The following MRTFA variants were observed in gnomAD, a reference collection of about 807,000 sequenced individuals.
MRTFA encodes the protein myocardin related transcription factor A.
Under a neutral mutation model 83.5 loss-of-function variants are expected in MRTFA, and 20 were observed. The observed-to-expected ratio is 0.24, with a 90% CI of 0.17 to 0.35. The LOEUF is 0.35. Among genes scored for constraint, MRTFA ranks in the 10% least tolerant of loss-of-function variants. The pLI is 1.00. For missense variants in MRTFA, 1,200 were observed against 1,224.7 expected, an observed-to-expected ratio of 0.98 and a Z score of 0.30; for synonymous variants, 659 against 541.2, an observed-to-expected ratio of 1.22 and a Z score of -3.02.
intron 4 of MRTFA, among the ~76,000 whole-genome samples, chr22:40,455,767 C>CACA (rs927556937): frequency 3.0e-4 from 45 of 150,342 alleles, no homozygotes; most frequent in Non-Finnish European, 4.7e-4. Flanking sequence ...AGTTGGGGGA[C>CACA]ACAACAACAA....
chr22:40,427,955 T>A (rs2147087459), intron 7 of MRTFA, among the ~76,000 whole-genome samples: 1 of 152,292 alleles, frequency 6.6e-6, no homozygotes, highest in Admixed American at 6.5e-5. Flanking sequence ...TTTCTCTAGC[T>A]ACTGGGAGGG....
chr22:40,452,242 C>A (rs2053506307), intron 4 of MRTFA, among the ~76,000 whole-genome samples: 1 of 152,066 alleles, frequency 6.6e-6, no homozygotes, highest in Admixed American at 6.6e-5. Context: ...CCTCGGCCTC[C>A]CCAAGTGCTG....
chr22:40,459,239 C>G (rs1263895325), intron 4 of MRTFA, among the ~76,000 whole-genome samples: 1 of 87,122 alleles, frequency 1.1e-5, no homozygotes, highest in African/African-American at 4.4e-5. Context: ...AGGGGTCTGG[C>G]AAAAAAAAAA....
intron 1 of MRTFA, among the ~76,000 whole-genome samples, chr22:40,618,119 G>C (rs1161827243): frequency 6.6e-6 from 1 of 151,428 alleles, no homozygotes; most frequent in Non-Finnish European, 1.5e-5. Flanking sequence ...CTGTTGCCCA[G>C]GCTGGAGCAC....
At chr22:40,594,352 C>T (rs1372400195) in intron 2 of MRTFA, among the ~76,000 whole-genome samples, 2 of 152,138 alleles carry the variant, frequency 1.3e-5, no homozygotes, top group African/African-American at 2.4e-5. Context: ...AAAACTTCTG[C>T]CCTCAAGGAC....
chr22:40,600,222 C>G (rs1176038954), intron 1 of MRTFA, among the ~76,000 whole-genome samples: 1 of 152,108 alleles, frequency 6.6e-6, no homozygotes, highest in Non-Finnish European at 1.5e-5. Flanking sequence ...ATTAAATAAA[C>G]TAGGCCCCCT....
At chr22:40,507,222 G>A (rs1406834824) in intron 3 of MRTFA, among the ~76,000 whole-genome samples, 3 of 152,080 alleles carry the variant, frequency 2.0e-5, no homozygotes, top group Non-Finnish European at 4.4e-5. Context: ...TTAGCCAGGC[G>A]TGGTGGCATG....
intron 3 of MRTFA, among the ~76,000 whole-genome samples, chr22:40,497,668 G>A (rs754723287): frequency 6.6e-6 from 1 of 151,994 alleles, no homozygotes; most frequent in Admixed American, 6.6e-5. Context: ...CAGGAGAATC[G>A]CTTGAACTTG....
intron 1 of MRTFA, among the ~76,000 whole-genome samples, chr22:40,621,330 T>C (rs1448165090): frequency 6.6e-6 from 1 of 152,198 alleles, no homozygotes; most frequent in African/African-American, 2.4e-5. Flanking sequence ...TGGATGACTC[T>C]TGAGGACATT....
intron 3 of MRTFA, among the ~76,000 whole-genome samples, chr22:40,545,113 A>G (rs1319099424): frequency 6.6e-6 from 1 of 152,128 alleles, no homozygotes; most frequent in Admixed American, 6.6e-5. Flanking sequence ...AATGGATGCC[A>G]GAACTCCTTG....
intron 3 of MRTFA, among the ~76,000 whole-genome samples, chr22:40,484,330 T>C (rs1047876052): frequency 3.0e-4 from 45 of 152,308 alleles, no homozygotes; most frequent in African/African-American, 1.0e-3. Flanking sequence ...CTTCATGTAG[T>C]GTCTGAGCGT....
At position 40,621,671 on chromosome 22, in the gene MRTFA, T is replaced by C. The variant is rs182748631; in HGVS notation, c.-84+14807A>G. Among the ~76,000 whole-genome samples, 14 of 152,310 alleles carry C rather than the reference T, an allele frequency of 9.2e-5. No individual in the cohort carries two copies. The East Asian group carries it at 1.5e-3, about 17-fold the overall frequency. On this transcript the variant is annotated intron_variant, in intron 1 of 14. Coordinates refer to ENST00000355630, the MANE Select transcript of MRTFA (RefSeq NM_020831.6). ...AAAACTCTACTCAGTTGCAAATATA[T>C]GCTTCTCTTCAAGAAAAAGGAAGGA...
rs148476650 is a variant in MRTFA, at chr22:40,471,610, C to T, written c.242-8324G>A. 5.1e-3 allele frequency among the ~76,000 whole-genome samples: 779 copies of T among 152,182 alleles called. 6 individuals carry two copies. Among genetic ancestry groups the T allele is most frequent in the African/African-American group, 0.017 (710 of 41,516 alleles). ...CTTAAGAATTAATACTGGCTGGGCG[C>T]GGTAGCTCATGCTTGTAATTCCAGC... On this transcript the variant is annotated intron_variant, in intron 3 of 14. Coordinates refer to ENST00000355630, the MANE Select transcript of MRTFA (RefSeq NM_020831.6).
intron 3 of MRTFA, among the ~76,000 whole-genome samples, chr22:40,481,453 T>G (rs2054088391): frequency 6.6e-6 from 1 of 152,054 alleles, no homozygotes; most frequent in African/African-American, 2.4e-5. Flanking sequence ...ACAGATGAGG[T>G]CCCTGCCCTC....
intron 3 of MRTFA, among the ~76,000 whole-genome samples, chr22:40,475,336 G>A (rs1330100486): frequency 7.3e-5 from 11 of 151,286 alleles, no homozygotes; most frequent in African/African-American, 7.3e-5. Flanking sequence ...TCAGGAGTTC[G>A]AGACCAGCCT....
Position 40,417,273 on chromosome 22 carries a change from G to A in MRTFA, c.2517+68C>T, listed in dbSNP as rs537716427. ...GCCCCCTATTCCTCCGGGTGGGGCT[G>A]TAGGAGCCTCAGCCCAGCAGCCTAG... is the stretch of plus-strand genomic sequence containing the variant. On this transcript the variant is annotated intron_variant, in intron 13 of 14. Transcript: ENST00000355630. 138 of 1,563,678 alleles carry A rather than the reference G, an allele frequency of 8.8e-5. 1 individual carries two copies. In the South Asian group the frequency reaches 1.5e-3, roughly 17 times the overall value.
intron 1 of MRTFA, among the ~76,000 whole-genome samples, chr22:40,610,071 A>T (rs1310540253): frequency 1.5e-5 from 2 of 135,226 alleles, no homozygotes; most frequent in African/African-American, 5.6e-5. Flanking sequence ...TTTGAGACAG[A>T]GTCTCACCCT....
rs2054407967 is a variant in MRTFA, at chr22:40,498,903, GATA to G, written c.242-35620_242-35618del. On this transcript the variant is annotated intron_variant, in intron 3 of 14. Coordinates refer to ENST00000355630, the MANE Select transcript of MRTFA (RefSeq NM_020831.6). The stretch of plus-strand genomic sequence containing the variant: ...TTTCATTTCCTTACCTGAAAATAAA[GATA>G]ATATGACCAAATTTATACGGTTTTA... 3.3e-5 allele frequency among the ~76,000 whole-genome samples: 5 copies of G among 152,200 alleles called. No individual in the cohort carries two copies. In the South Asian group the frequency reaches 1.0e-3, roughly 32 times the overall value.
rs1289615840 is a variant in MRTFA, at chr22:40,431,464, T to A, written c.380A>T (p.Lys127Ile). 6.2e-7 allele frequency: 1 copy of A among 1,614,028 alleles called. No homozygotes were observed. The highest frequency in any genetic ancestry group is 8.5e-7 in the Non-Finnish European group (1 of 1,179,902). Residue 127 changes from lysine to isoleucine, a missense_variant, in exon 6 of 15, where the codon AAA (lysine) becomes ATA (isoleucine). Lys to Ile is a moderately radical substitution (Grantham distance 102, BLOSUM62 -3). Transcript: ENST00000355630. Reference sequence around the variant, plus strand: ...CTCCGGCCGGGAACGAATCTTCCGTTTGAGATAGTCCTCTGTCTACAGAAA... The same window carrying A: ...CTCCGGCCGGGAACGAATCTTCCGTATGAGATAGTCCTCTGTCTACAGAAA...
Sources: allele counts gnomAD v4.1 joint callset (sites outside exome capture counted in the v4.1 genomes callset), GRCh38; gene constraint gnomAD v4.1.1; transcripts MANE v1.5; gene names NCBI Gene and HGNC (gene_info 2026-07-23, HGNC 2026-07-21).